Variants in GAS2L2 observed in about 807,000 individuals in gnomAD.
GAS2L2 encodes the protein growth arrest specific 2 like 2, also known as GAS2-like protein 2.
Under a neutral mutation model 35.2 loss-of-function variants are expected in GAS2L2, and 21 were observed. That is an observed-to-expected ratio of 0.60 (90% CI 0.42 to 0.86). The LOEUF is 0.86. GAS2L2 is among the 40% of genes least tolerant of loss of function. GAS2L2 has a pLI of 0.00. For missense variants in GAS2L2, 1,169 were observed against 1,144.4 expected, an observed-to-expected ratio of 1.02 and a Z score of -0.31; for synonymous variants, 490 against 473.2, an observed-to-expected ratio of 1.04 and a Z score of -0.46.
chr17:35,748,242 G>T (rs1555599309), intron 3 of GAS2L2, among the ~76,000 whole-genome samples: 1 of 152,194 alleles, frequency 6.6e-6, no homozygotes, highest in African/African-American at 2.4e-5. Context: ...ATCTGTACAT[G>T]CCTGTACCCA....
Position 35,745,715 on chromosome 17 carries a change from CCCGCCCAAGGGCAGAGGTGTGTA to C in GAS2L2, c.1759_1781del (p.Tyr587GlufsTer9), listed in dbSNP as rs782723570. ...TACAGTAGATGGCTTGCTCCTTGTT[CCCGCCCAAGGGCAGAGGTGTGTA>C]CCGCCCCTCCTGCTCCTGTAGGCCC... is the stretch of plus-strand genomic sequence containing the variant. On this transcript the variant is annotated frameshift_variant, in exon 6 of 6. Coordinates refer to ENST00000604641, the MANE Select transcript of GAS2L2 (RefSeq NM_139285.4). LOFTEE classifies it low-confidence loss of function (END_TRUNC). The C allele has an allele frequency of 6.2e-7, 1 of 1,613,900 alleles. No individual in the cohort carries two copies. The highest frequency in any genetic ancestry group is 8.5e-7 in the Non-Finnish European group (1 of 1,180,040).
Position 35,746,081 on chromosome 17 carries a change from C to A in GAS2L2, c.1416G>T (p.Leu472=). 6.6e-7 allele frequency: 1 copy of A among 1,519,310 alleles called. No individual in the cohort carries two copies. Among genetic ancestry groups the A allele is most frequent in the Non-Finnish European group, 8.8e-7 (1 of 1,134,212 alleles). 94.1% of individuals were successfully genotyped at this position (1,519,310 alleles called of 1,614,324 possible). The change falls in exon 6 of 6, where the codon CTG becomes CTT. Residue 472 remains leucine (L), a synonymous_variant. Coordinates refer to ENST00000604641, the MANE Select transcript of GAS2L2 (RefSeq NM_139285.4). ...CACCCTTGGCCTCATCCCGGAGTGG[C>A]AGCCTGAGGCCCAGGCACTCGGCTG... ...FGPAECLGLR[L]PLRDEAKGAF...
rs996025971 is a variant in GAS2L2, at chr17:35,753,075, C to T, written c.-225G>A. Among the ~76,000 whole-genome samples, 1 of 152,196 alleles carries T rather than the reference C, an allele frequency of 6.6e-6. No individual in the cohort carries two copies. The highest frequency in any genetic ancestry group is 2.1e-4 in the South Asian group (1 of 4,834). On this transcript the variant is annotated 5_prime_UTR_variant, in exon 1 of 6. Coordinates refer to ENST00000604641, the MANE Select transcript of GAS2L2 (RefSeq NM_139285.4). ...TTCCTCAGTCCTTGCCAGAGCTTTC[C>T]CTGGTGGCCCTGCAGCAACCTTGCT...
chr17:35,747,858 T>C lies in GAS2L2; in HGVS notation c.823A>G (p.Thr275Ala), dbSNP rs782111847. The change falls in exon 4 of 6, where the codon ACA (threonine) becomes GCA (alanine). Residue 275 changes from threonine to alanine, a missense_variant. Transcript: ENST00000604641. ...YLDKHDPCRC[T>A]SLSHKPGSFL... ...CCCTCAGGGGACTCACAGAGGGATG[T>C]GCAGCGGCAGGGGTCATGTTTGTCC... 6.2e-7 allele frequency: 1 copy of C among 1,613,828 alleles called. No homozygotes were observed. The highest frequency in any genetic ancestry group is 8.5e-7 in the Non-Finnish European group (1 of 1,179,806).
chr17:35,751,377 ACT>A (rs1290225725), intron 1 of GAS2L2, among the ~76,000 whole-genome samples: 2 of 151,862 alleles, frequency 1.3e-5, no homozygotes, highest in East Asian at 1.9e-4. Flanking sequence ...ATCCCTCAAG[ACT>A]CAGCCCAGCT....
chr17:35,750,839 G>T (rs782782260), intron 1 of GAS2L2, among the ~76,000 whole-genome samples: 2 of 152,160 alleles, frequency 1.3e-5, no homozygotes, highest in Non-Finnish European at 2.9e-5. Flanking sequence ...ATTACCAGCC[G>T]CATGACCTTG....
chr17:35,752,360 G>A, intron 1 of GAS2L2, 106 bp downstream of exon 1: 2 of 1,151,094 alleles, frequency 1.7e-6, no homozygotes, highest in Non-Finnish European at 1.2e-6. Flanking sequence ...AATCTAGAAT[G>A]AGGATCCAGG....
At chr17:35,750,047 G>A in intron 2 of GAS2L2, 30 bp downstream of exon 2, 1 of 1,596,100 alleles carries the variant, frequency 6.3e-7, no homozygotes, top group South Asian at 1.1e-5. Context: ...AAGGGAAGGG[G>A]GCCCTGAGGG....
At position 35,751,848 on chromosome 17, in the gene GAS2L2, C is replaced by CTTTTTTT. The variant is rs587677612; in HGVS notation, c.385+611_385+617dup. On this transcript the variant is annotated intron_variant, in intron 1 of 5. Transcript: ENST00000604641. ...TATCCCTCTACCTCTCTCTCTCTCT[C>CTTTTTTT]TTTTTTTTTTTTTTTTTTTTTTTTT... Among the ~76,000 whole-genome samples the CTTTTTTT allele has an allele frequency of 2.5e-4, 25 of 99,992 alleles. 3 individuals are homozygous for CTTTTTTT. Among genetic ancestry groups the CTTTTTTT allele is most frequent in the African/African-American group, 1.0e-3 (21 of 20,528 alleles). 65.6% of individuals were successfully genotyped at this position (99,992 alleles called of 152,430 possible).
chr17:35,750,962 G>A (rs1302828198), intron 1 of GAS2L2, among the ~76,000 whole-genome samples: 3 of 151,914 alleles, frequency 2.0e-5, no homozygotes, highest in African/African-American at 7.2e-5. Context: ...CACAATGTCC[G>A]GCACATGCAA....
chr17:35,749,228 G>A lies in GAS2L2; in HGVS notation c.628-11C>T. 1.9e-6 allele frequency: 3 copies of A among 1,591,134 alleles called. No homozygotes were observed. The highest frequency in any genetic ancestry group is 2.6e-6 in the Non-Finnish European group (3 of 1,161,714). On this transcript the variant is annotated splice_polypyrimidine_tract_variant and intron_variant, in intron 2 of 5. Transcript: ENST00000604641. ...CACAAGGCTCTGCACCTGCGGGCGG[G>A]TGGTGAACTCAGCCCTCTCCTTTGC...
At position 35,747,929 on chromosome 17, in the gene GAS2L2, A is replaced by G; in HGVS notation, c.752T>C (p.Val251Ala). The change falls in exon 4 of 6, where the codon GTG (valine) becomes GCG (alanine). Residue 251 changes from valine to alanine, a missense_variant. Transcript: ENST00000604641. ...CCAGCCGCCCCCTACACGTACCATCACATGGTTCCGGAGGATCTGAGGGGG... is the reference window on the plus strand; with the variant it reads ...CCAGCCGCCCCCTACACGTACCATCGCATGGTTCCGGAGGATCTGAGGGGG... ...LIFIRILRNH[V>A]MVRVGGGWDT... 6.2e-7 allele frequency: 1 copy of G among 1,613,790 alleles called. No homozygotes were observed. The highest frequency in any genetic ancestry group is 1.3e-5 in the African/African-American group (1 of 75,032).
chr17:35,747,771 C>T lies in GAS2L2; in HGVS notation c.832+78G>A, dbSNP rs587606118. The T allele has an allele frequency of 1.1e-4, 132 of 1,184,378 alleles. 2 individuals carry two copies. In the South Asian group the frequency reaches 1.6e-3, roughly 14 times the overall value. 73.4% of individuals were successfully genotyped at this position (1,184,378 alleles called of 1,614,324 possible). On this transcript the variant is annotated intron_variant, in intron 4 of 5. Coordinates refer to ENST00000604641, the MANE Select transcript of GAS2L2 (RefSeq NM_139285.4). ...TCCTGGAGATCAGACATACCTCCCA[C>T]CTCTGCCTCCAGCCTCCCAACCCAG...
rs2085662329 is a variant in GAS2L2, at chr17:35,745,782, G to A, written c.1715C>T (p.Ala572Val). Residue 572 changes from alanine to valine, a missense_variant, in exon 6 of 6, where the codon GCC (alanine) becomes GTC (valine). Ala to Val is a moderately conservative substitution (Grantham distance 64). Around this residue, in one of 3 missense-constraint regions of GAS2L2, gnomAD observed 1,035 missense variants for 976.5 expected, o/e 1.06. Coordinates refer to ENST00000604641, the MANE Select transcript of GAS2L2 (RefSeq NM_139285.4). Reference sequence around the variant, plus strand: ...TAGGCCCAGGTCCCAGGACTCTCTGGCCTCTGCCATGACCTGGATGTCCAG... The same window carrying A: ...TAGGCCCAGGTCCCAGGACTCTCTGACCTCTGCCATGACCTGGATGTCCAG... ...QQLDIQVMAE[A>V]RESWDLGLQE... 6.2e-7 allele frequency: 1 copy of A among 1,613,770 alleles called. No individual in the cohort carries two copies. Among genetic ancestry groups the A allele is most frequent in the Non-Finnish European group, 8.5e-7 (1 of 1,180,044 alleles).
At chr17:35,752,235 A>G (rs1395389654) in intron 1 of GAS2L2, among the ~76,000 whole-genome samples, 1 of 152,206 alleles carries the variant, frequency 6.6e-6, no homozygotes, top group Non-Finnish European at 1.5e-5. Context: ...TGCTTGATAT[A>G]TGCTTATTGA....
intron 5 of GAS2L2, 144 bp from the exon 6 acceptor site, chr17:35,746,555 G>T: frequency 2.2e-6 from 1 of 462,820 alleles, no homozygotes; most frequent in Non-Finnish European, 3.6e-6. Flanking sequence ...TGAAACCTAT[G>T]CTCCCTCTCC....
intron 1 of GAS2L2, 82 bp downstream of exon 1, chr17:35,752,384 G>C (rs2085708925): frequency 7.1e-7 from 1 of 1,403,054 alleles, no homozygotes; most frequent in African/African-American, 1.4e-5. Context: ...CTGCCCCCCA[G>C]AGCTAGCCTG....
rs782010097 is a variant in GAS2L2 at position 35,746,357 on chromosome 17, G to A, written c.1140C>T (p.Ser380=). 1.5e-6 allele frequency: 2 copies of A among 1,358,504 alleles called. No individual in the cohort carries two copies. The highest frequency in any genetic ancestry group is 2.7e-5 in the Admixed American group (1 of 36,418). The allele number at this position is 1,358,504 out of a possible 1,614,324, so 84.2% of individuals were successfully genotyped here. The part of the protein sequence containing the change: ...PSWRQPTAGD[S]PPSPQSSSTQ... ...TAGATGAGGACTGGGGGCTGGGTGG[G>A]CTGTCCCCAGCTGTCGGCTGCCTCC... The change falls in exon 6 of 6, where the codon AGC becomes AGT. Residue 380 remains serine (S), a synonymous_variant. Coordinates refer to ENST00000604641, the MANE Select transcript of GAS2L2 (RefSeq NM_139285.4).
rs2085659426 is a variant in GAS2L2 at position 35,745,478 on chromosome 17, C to G, written c.2019G>C (p.Trp673Cys). 6.3e-7 allele frequency: 1 copy of G among 1,596,222 alleles called. No homozygotes were observed. ...PSLLKVDLEA[W>C]KAAPTGSPKP... ...TAGGGGAGCCAGTCGGGGCTGCCTT[C>G]CAGGCTTCCAGGTCCACTTTAAGGA... The change falls in exon 6 of 6, where the codon TGG becomes TGC. Residue 673 changes from tryptophan to cysteine, a missense_variant. By Grantham distance (215) the Trp-to-Cys change is radical (BLOSUM62 -2). Coordinates refer to ENST00000604641, the MANE Select transcript of GAS2L2 (RefSeq NM_139285.4).
Sources: allele counts gnomAD v4.1 joint callset (sites outside exome capture counted in the v4.1 genomes callset), GRCh38; gene constraint gnomAD v4.1.1; regional missense constraint gnomAD v4.1.1; transcripts MANE v1.5; gene names NCBI Gene and HGNC (gene_info 2026-07-23, HGNC 2026-07-21).